Variants in CCNT2 observed in about 807,000 individuals in gnomAD.
CCNT2 encodes the protein cyclin T2, also known as cyclin-T2.
CCNT2 carries 18 observed loss-of-function variants against 70.0 expected under a neutral mutation model. That is an observed-to-expected ratio of 0.26 (90% confidence interval 0.18 to 0.38). The LOEUF (loss-of-function observed/expected upper bound fraction) is 0.38. CCNT2 is among the 10% of genes least tolerant of loss of function. The pLI is 1.00. For synonymous variants in CCNT2, 334 were observed against 313.3 expected, an observed-to-expected ratio of 1.07 and a Z score of -0.70; for missense variants, 734 against 890.2, an observed-to-expected ratio of 0.82 and a Z score of 2.23.
intron 2 of CCNT2, among the ~76,000 whole-genome samples, chr2:134,929,773 C>T (rs1250499114): frequency 6.6e-6 from 1 of 151,388 alleles, no homozygotes; most frequent in Non-Finnish European, 1.5e-5. Flanking sequence ...CCTCACCCTC[C>T]CTGAGTAGCT....
intron 7 of CCNT2, among the ~76,000 whole-genome samples, chr2:134,949,167 C>T (rs960940880): frequency 2.0e-5 from 3 of 152,108 alleles, no homozygotes; most frequent in African/African-American, 7.2e-5. Flanking sequence ...ACCATAGGCG[C>T]ATGCCACCAC....
At position 134,955,563 on chromosome 2, in the gene CCNT2, A is replaced by G. The variant is rs1682876434; in HGVS notation, c.*915A>G. On this transcript the variant is annotated 3_prime_UTR_variant, in exon 9 of 9. Coordinates refer to ENST00000264157, the MANE Select transcript of CCNT2 (RefSeq NM_058241.3). ...TGTGGATTACTGTGATTTGAAAACT[A>G]AATTCACAATAACTTACCTAGTAGA... 3 of 152,678 alleles carry G rather than the reference A, an allele frequency of 2.0e-5. No homozygotes were observed. The highest frequency in any genetic ancestry group is 4.1e-4 in the South Asian group (2 of 4,836). The allele number at this position is 152,678 out of a possible 1,614,324, so 9.5% of individuals were successfully genotyped here. A position where few individuals can be genotyped will look rare whatever the true frequency, so the allele number is the denominator to read the frequency against.
Position 134,952,677 on chromosome 2 carries a change from C to T in CCNT2, c.740C>T (p.Thr247Met), listed in dbSNP as rs1401445885. 3.1e-6 allele frequency: 5 copies of T among 1,603,796 alleles called. No homozygotes were observed. The highest frequency in any genetic ancestry group is 3.4e-6 in the Non-Finnish European group (4 of 1,175,076). ...THEFLQILEK[T>M]PNRLKKIRNW... ...GAGTTTCTACAAATATTGGAGAAAACGCCTAATAGGTTGAAGAAGATTCGA... is the reference window on the plus strand; with the variant it reads ...GAGTTTCTACAAATATTGGAGAAAATGCCTAATAGGTTGAAGAAGATTCGA... The change falls in exon 8 of 9, where the codon ACG becomes ATG. Residue 247 changes from threonine to methionine, a missense_variant. By Grantham distance (81) the Thr-to-Met change is moderately conservative. Around this residue, in one of 3 missense-constraint regions of CCNT2, gnomAD observed 161 missense variants for 303.8 expected, o/e 0.53. Transcript: ENST00000264157.
intron 5 of CCNT2, 60 bp from the exon 6 acceptor site, chr2:134,946,039 CTT>C (rs1222868377): frequency 6.2e-7 from 1 of 1,604,672 alleles, no homozygotes; most frequent in African/African-American, 1.4e-5. Context: ...GTGTTGAGAA[CTT>C]TTTGATTGTA....
intron 2 of CCNT2, among the ~76,000 whole-genome samples, chr2:134,923,677 T>C (rs998527858): frequency 1.3e-5 from 2 of 152,226 alleles, no homozygotes; most frequent in Admixed American, 6.5e-5. Flanking sequence ...TATTAAGATC[T>C]CACTATGCCA....
In CCNT2 at chr2:134,936,952, C is replaced by A. The variant is rs1189538136; in HGVS notation, c.352C>A (p.Leu118Met). 2 of 1,607,728 alleles carry A rather than the reference C, an allele frequency of 1.2e-6. No individual in the cohort carries two copies. The highest frequency in any genetic ancestry group is 4.5e-5 in the East Asian group (2 of 44,828). ...TTGTCTTCATCCTCTAGAGCCACTG[C>A]TGGATACTAAATGTGATGTATGTAA... ...HACLHPLEPL[L>M]DTKCDAYLQQ... The change falls in exon 3 of 9, where the codon CTG becomes ATG. Residue 118 changes from leucine (L) to methionine (M), a missense_variant. Leu to Met is a conservative substitution (Grantham distance 15). This residue lies in a region of CCNT2 where 161 missense variants were observed against 303.8 expected (regional missense o/e 0.53). Transcript: ENST00000264157.
At chr2:134,921,351 TA>T (rs1372382864) in intron 2 of CCNT2, among the ~76,000 whole-genome samples, 1 of 130,148 alleles carries the variant, frequency 7.7e-6, no homozygotes, top group Non-Finnish European at 1.6e-5. Context: ...TTTTATTTAT[TA>T]ATTTTTTTTT....
chr2:134,921,834 T>G (rs1679931203), intron 2 of CCNT2, among the ~76,000 whole-genome samples: 3 of 152,248 alleles, frequency 2.0e-5, no homozygotes, highest in Admixed American at 2.0e-4. Flanking sequence ...GTATTAATTT[T>G]TTATTACCTT....
intron 2 of CCNT2, among the ~76,000 whole-genome samples, chr2:134,926,363 G>A (rs1413290571): frequency 1.3e-5 from 2 of 152,060 alleles, no homozygotes; most frequent in Admixed American, 1.3e-4. Context: ...CTTACTTTCT[G>A]GGAGTTTCTG....
At chr2:134,952,917 G>A (rs976060687) in intron 8 of CCNT2, 6 of 491,896 alleles carry the variant, frequency 1.2e-5, no homozygotes, top group Non-Finnish European at 2.2e-5. Flanking sequence ...ATTTTTTGCA[G>A]TGATTATGAC....
Position 134,953,589 on chromosome 2 carries a change from C to T in CCNT2, c.1134C>T (p.Asn378=). The change falls in exon 9 of 9, where the codon AAC becomes AAT. Residue 378 remains asparagine (N), a synonymous_variant. Transcript: ENST00000264157. Reference sequence around the variant, plus strand: ...CATCTTTGTCTGGTAGCCAGTACAACATCAACTTCCAGCAGGGACCTTCTA... The same window carrying T: ...CATCTTTGTCTGGTAGCCAGTACAATATCAACTTCCAGCAGGGACCTTCTA... ...QETSLSGSQY[N]INFQQGPSIS... is the part of the protein sequence containing the mutation. 1 of 1,614,040 alleles carries T rather than the reference C, an allele frequency of 6.2e-7. No homozygotes were observed. The highest frequency in any genetic ancestry group is 8.5e-7 in the Non-Finnish European group (1 of 1,179,924).
intron 7 of CCNT2, among the ~76,000 whole-genome samples, chr2:134,952,055 AG>A (rs934423049): frequency 4.5e-4 from 68 of 152,318 alleles, no homozygotes; most frequent in Middle Eastern, 3.4e-3. Flanking sequence ...ATTTTGAGCA[AG>A]AATACCATAG....
intron 2 of CCNT2, among the ~76,000 whole-genome samples, chr2:134,925,704 T>C (rs1296252180): frequency 6.6e-6 from 1 of 152,178 alleles, no homozygotes; most frequent in African/African-American, 2.4e-5. Flanking sequence ...TAGCCACTTT[T>C]TGGCTAATAT....
At chr2:134,944,579 T>C (rs2105067864) in intron 5 of CCNT2, 1 of 973,960 alleles carries the variant, frequency 1.0e-6, no homozygotes, top group South Asian at 4.8e-5. Flanking sequence ...ATTTGATATG[T>C]CATCCAAAAC....
rs1483042526 is a variant in CCNT2, at chr2:134,954,603, C to T, written c.2148C>T (p.Phe716=). 6.2e-6 allele frequency: 10 copies of T among 1,613,614 alleles called. No homozygotes were observed. In the African/African-American group the frequency reaches 6.7e-5, roughly 11 times the overall value. The change falls in exon 9 of 9, where the codon TTC becomes TTT. Residue 716 remains phenylalanine (F), a synonymous_variant. Coordinates refer to ENST00000264157, the MANE Select transcript of CCNT2 (RefSeq NM_058241.3). ...SSQHMDYKDT[F]DMLDSLLSAQ... is the part of the protein sequence containing the mutation. ...AGCATATGGACTACAAAGACACATTCGACATGCTGGACTCACTGTTAAGTG... is the reference window on the plus strand; with the variant it reads ...AGCATATGGACTACAAAGACACATTTGACATGCTGGACTCACTGTTAAGTG...
intron 2 of CCNT2, among the ~76,000 whole-genome samples, chr2:134,923,519 C>T (rs905760171): frequency 4.6e-5 from 7 of 152,164 alleles, no homozygotes; most frequent in African/African-American, 1.7e-4. Context: ...GGAAATACTG[C>T]AGTGCTGTCC....
At position 134,921,891 on chromosome 2, in the gene CCNT2, TAG is replaced by T. The variant is rs201832350; in HGVS notation, c.240+2003_240+2004del. On this transcript the variant is annotated intron_variant, in intron 2 of 8. Coordinates refer to ENST00000264157, the MANE Select transcript of CCNT2 (RefSeq NM_058241.3). ...GAAGGTAAACTTCAGCATTTTTACG[TAG>T]AGTCAGTAATAATTGAAATCTGTTC... Among the ~76,000 whole-genome samples the T allele has an allele frequency of 1.1e-4, 16 of 152,358 alleles. No homozygotes were observed. In the East Asian group the frequency reaches 2.9e-3, roughly 28 times the overall value.
Position 134,953,590 on chromosome 2 carries a change from A to G in CCNT2, c.1135A>G (p.Ile379Val), listed in dbSNP as rs766205042. 2.5e-6 allele frequency: 4 copies of G among 1,614,008 alleles called. No homozygotes were observed. Among genetic ancestry groups the G allele is most frequent in the Non-Finnish European group, 3.4e-6 (4 of 1,179,986 alleles). Residue 379 changes from isoleucine (I) to valine (V), a missense_variant, in exon 9 of 9, where the codon ATC becomes GTC. Coordinates refer to ENST00000264157, the MANE Select transcript of CCNT2 (RefSeq NM_058241.3). The part of the protein sequence containing the change: ...ETSLSGSQYN[I>V]NFQQGPSISL... The stretch of plus-strand genomic sequence containing the variant: ...ATCTTTGTCTGGTAGCCAGTACAAC[A>G]TCAACTTCCAGCAGGGACCTTCTAT...
chr2:134,924,001 T>C (rs547997419), intron 2 of CCNT2, among the ~76,000 whole-genome samples: 1 of 152,352 alleles, frequency 6.6e-6, no homozygotes, highest in Non-Finnish European at 1.5e-5. Flanking sequence ...AATTCCTCTT[T>C]TTCAACTATA....
Sources: allele counts gnomAD v4.1 joint callset (sites outside exome capture counted in the v4.1 genomes callset), GRCh38; gene constraint gnomAD v4.1.1; regional missense constraint gnomAD v4.1.1; transcripts MANE v1.5; gene names NCBI Gene and HGNC (gene_info 2026-07-23, HGNC 2026-07-21).